Variants in DCHS2 observed in about 807,000 individuals in gnomAD.
The protein encoded by DCHS2 is protocadherin-23.
Under a neutral mutation model 182.4 loss-of-function variants are expected in DCHS2, and 142 were observed. The ratio of observed to expected loss-of-function variants is 0.78; its 90% CI spans 0.68 to 0.89. DCHS2 has a LOEUF of 0.89. DCHS2 is among the 40% of genes least tolerant of loss of function. The probability of loss-of-function intolerance (pLI) is 0.00; values close to 1 mark genes in which losing one functional copy is unlikely to be tolerated. For synonymous variants in DCHS2, 1,740 were observed against 1,663.3 expected (o/e 1.05, Z -1.12); for missense variants, 4,319 against 4,198.6 (o/e 1.03, Z -0.79).
At chr4:154,328,028 G>A (rs888793635) in intron 7 of DCHS2, 65 bp downstream of exon 7, 2 of 1,167,784 alleles carry the variant, frequency 1.7e-6, no homozygotes, top group East Asian at 2.6e-5. Context: ...CCCAGAAGGG[G>A]ATAGTTGATA....
chr4:154,296,017 C>T (rs1240222058), intron 13 of DCHS2, among the ~76,000 whole-genome samples: 1 of 152,120 alleles, frequency 6.6e-6, no homozygotes, highest in Non-Finnish European at 1.5e-5. Flanking sequence ...ATTTCATTTT[C>T]AAAGTCTGAG....
At position 154,490,569 on chromosome 4, in the gene DCHS2, G is replaced by C. The variant is rs199621086; in HGVS notation, c.787C>G (p.Arg263Gly). 4.5e-6 allele frequency: 7 copies of C among 1,542,874 alleles called. No homozygotes were observed. The highest frequency in any genetic ancestry group is 6.1e-6 in the Non-Finnish European group (7 of 1,146,136). ...CCGTCCCATGCCTCGATCTGCAGCC[G>C]GTGCGCCGCCGCCTCCTCTCGGTCC... ...RLDREEAAAH[R>G]LQIEAWDGGR... is the part of the protein sequence containing the mutation. The change falls in exon 1 of 20, where the codon CGG (arginine) becomes GGG (glycine). Residue 263 changes from arginine to glycine, a missense_variant. Arg to Gly is a moderately radical substitution (Grantham distance 125, BLOSUM62 -2). Coordinates refer to ENST00000357232, the MANE Select transcript of DCHS2 (RefSeq NM_001358235.2).
chr4:154,290,823 A>T (rs1221122579), intron 13 of DCHS2, among the ~76,000 whole-genome samples: 1 of 152,158 alleles, frequency 6.6e-6, no homozygotes, highest in Admixed American at 6.6e-5. Flanking sequence ...AAGACCTCAA[A>T]CTATAAAACT....
chr4:154,323,311 TTCAGA>T, intron 7 of DCHS2: 1 of 1,548,976 alleles, frequency 6.5e-7, no homozygotes, highest in Non-Finnish European at 8.7e-7. Context: ...TGTTTTTCCC[TTCAGA>T]GGCATAGGTC....
At chr4:154,282,625 A>G (rs1316564785) in intron 13 of DCHS2, among the ~76,000 whole-genome samples, 2 of 152,144 alleles carry the variant, frequency 1.3e-5, no homozygotes, top group Admixed American at 6.6e-5. Flanking sequence ...GAGGTTCCTC[A>G]AAAAATTAAA....
At chr4:154,351,852 C>G in intron 3 of DCHS2, among the ~76,000 whole-genome samples, 1 of 152,172 alleles carries the variant, frequency 6.6e-6, no homozygotes, top group East Asian at 1.9e-4. Context: ...ATTGTGTGGC[C>G]TGGTTCCCAA....
chr4:154,348,351 C>T (rs918950799), intron 3 of DCHS2, among the ~76,000 whole-genome samples: 1 of 151,904 alleles, frequency 6.6e-6, no homozygotes, highest in African/African-American at 2.4e-5. Context: ...GTGGTCCTCA[C>T]AGTTGCGGGA....
intron 1 of DCHS2, among the ~76,000 whole-genome samples, chr4:154,484,979 T>C (rs978882403): frequency 6.6e-6 from 1 of 152,212 alleles, no homozygotes; most frequent in Non-Finnish European, 1.5e-5. Context: ...AATAAAAATG[T>C]ACATAACAGA....
rs151227247 is a variant in DCHS2 at position 154,321,162 on chromosome 4, G to C, written c.4237C>G (p.Pro1413Ala). The part of the protein sequence containing the change: ...MSQNIRHLII[P>A]ENLKPTKIMS... Reference sequence around the variant, plus strand: ...ATTTTTGTGGGCTTCAAATTTTCTGGTATAATTAAATGTCTAATATTCTGA... The same window carrying C: ...ATTTTTGTGGGCTTCAAATTTTCTGCTATAATTAAATGTCTAATATTCTGA... Residue 1413 changes from proline (P) to alanine (A), a missense_variant, in exon 9 of 20, where the codon CCA becomes GCA. Physicochemically the swap from Pro to Ala is conservative, Grantham distance 27. Transcript: ENST00000357232. 60 of 1,589,128 alleles carry C rather than the reference G, an allele frequency of 3.8e-5. No homozygotes were observed. Among genetic ancestry groups the C allele is most frequent in the Non-Finnish European group, 4.6e-5 (54 of 1,164,866 alleles).
At position 154,235,659 on chromosome 4, in the gene DCHS2, AGGCTG is replaced by A; in HGVS notation, c.8988_8992del (p.Ser2997GlyfsTer22). Reference sequence around the variant, plus strand: ...CAGAAACACTAAAAAGGAGACCACCAGGCTGATTGAAAAGCTGCTGGCGAACACTG... The same window carrying A: ...CAGAAACACTAAAAAGGAGACCACCAATTGAAAAGCTGCTGGCGAACACTG... On this transcript the variant is annotated frameshift_variant, in exon 20 of 20. Coordinates refer to ENST00000357232, the MANE Select transcript of DCHS2 (RefSeq NM_001358235.2). LOFTEE classifies it low-confidence loss of function (END_TRUNC). The A allele has an allele frequency of 6.2e-7, 1 of 1,614,004 alleles. No individual in the cohort carries two copies. The highest frequency in any genetic ancestry group is 1.1e-5 in the South Asian group (1 of 91,066).
At chr4:154,408,170 T>G (rs951958810) in intron 1 of DCHS2, among the ~76,000 whole-genome samples, 7 of 152,238 alleles carry the variant, frequency 4.6e-5, no homozygotes, top group African/African-American at 1.7e-4. Flanking sequence ...TGTTCCAGAA[T>G]TTTAGTGATA....
At chr4:154,408,938 T>A (rs1476222859) in intron 1 of DCHS2, among the ~76,000 whole-genome samples, 1 of 151,616 alleles carries the variant, frequency 6.6e-6, no homozygotes, top group Admixed American at 6.6e-5. Flanking sequence ...CTGCGTGGAG[T>A]TCCCCTGGGG....
At chr4:154,325,466 G>A (rs545766773) in intron 7 of DCHS2, among the ~76,000 whole-genome samples, 5 of 151,928 alleles carry the variant, frequency 3.3e-5, no homozygotes, top group Non-Finnish European at 7.4e-5. Flanking sequence ...TGACCTAACT[G>A]ACCTCATAGC....
intron 13 of DCHS2, among the ~76,000 whole-genome samples, chr4:154,294,655 G>T (rs1258131242): frequency 6.6e-6 from 1 of 152,154 alleles, no homozygotes; most frequent in Non-Finnish European, 1.5e-5. Flanking sequence ...TATAAACAAA[G>T]TACAACAGTT....
intron 13 of DCHS2, among the ~76,000 whole-genome samples, chr4:154,284,799 T>C (rs1275651487): frequency 6.6e-6 from 1 of 152,132 alleles, no homozygotes; most frequent in Non-Finnish European, 1.5e-5. Flanking sequence ...AAAGTTTGTC[T>C]AGGCCACAAG....
At chr4:154,275,996 C>T (rs1376532749) in intron 13 of DCHS2, among the ~76,000 whole-genome samples, 1 of 152,040 alleles carries the variant, frequency 6.6e-6, no homozygotes, top group Non-Finnish European at 1.5e-5. Context: ...CAAGAAGCTG[C>T]AAATGTTTTA....
At chr4:154,300,415 T>G (rs115931979) in intron 12 of DCHS2, among the ~76,000 whole-genome samples, 3,574 of 151,094 alleles carry the variant, frequency 0.024, 138 homozygotes, top group African/African-American at 0.082. Context: ...GGATGGTTCC[T>G]GTAATCCCAG....
intron 1 of DCHS2, among the ~76,000 whole-genome samples, chr4:154,414,138 G>A (rs2110897826): frequency 6.6e-6 from 1 of 151,480 alleles, no homozygotes; most frequent in East Asian, 1.9e-4. Flanking sequence ...AGGGCAAACA[G>A]TCAATAAATA....
intron 10 of DCHS2, among the ~76,000 whole-genome samples, chr4:154,311,404 A>G (rs201552110): frequency 9.7e-6 from 1 of 102,752 alleles, no homozygotes; most frequent in East Asian, 3.2e-4. Flanking sequence ...ACAAATTTTT[A>G]TATTTTTTTT....
Sources: allele counts gnomAD v4.1 joint callset (sites outside exome capture counted in the v4.1 genomes callset), GRCh38; gene constraint gnomAD v4.1.1; transcripts MANE v1.5; gene names NCBI Gene and HGNC (gene_info 2026-07-23, HGNC 2026-07-21).